Variants in DIAPH3 observed in about 807,000 individuals in gnomAD.
The protein encoded by DIAPH3 is diaphanous related formin 3.
Under a neutral mutation model 144.3 loss-of-function variants are expected in DIAPH3, and 117 were observed. The ratio of observed to expected loss-of-function variants is 0.81; its 90% CI spans 0.70 to 0.95. DIAPH3 has a LOEUF of 0.95. Ranked by LOEUF, DIAPH3 falls within the 40% of genes least tolerant of loss-of-function variation. DIAPH3 has a pLI of 0.00. For synonymous variants in DIAPH3, 519 were observed against 488.9 expected (o/e 1.06, Z -0.81); for missense variants, 1,421 against 1,412.7 (o/e 1.01, Z -0.09).
intron 25 of DIAPH3, among the ~76,000 whole-genome samples, chr13:59,804,547 AT>A (rs1481580570): frequency 6.6e-6 from 1 of 152,166 alleles, no homozygotes; most frequent in East Asian, 1.9e-4. Context: ...AGGCTGGCAA[AT>A]AATATGTGAT....
intron 25 of DIAPH3, among the ~76,000 whole-genome samples, chr13:59,805,815 T>C (rs2040164058): frequency 6.6e-6 from 1 of 152,002 alleles, no homozygotes; most frequent in South Asian, 2.1e-4. Context: ...TTGGAGAAAT[T>C]TAGTCCACTA....
intron 27 of DIAPH3, among the ~76,000 whole-genome samples, chr13:59,736,658 T>C (rs2487145): frequency 0.66 from 99,717 of 151,946 alleles, 33,175 homozygotes; most frequent in East Asian, 0.72. Context: ...GAAACAAAAA[T>C]TTAAAATTCA....
intron 2 of DIAPH3, among the ~76,000 whole-genome samples, chr13:60,115,433 T>C (rs1330944665): frequency 6.6e-6 from 1 of 152,150 alleles, no homozygotes; most frequent in African/African-American, 2.4e-5. Context: ...ACTGCTCAAG[T>C]GGAGATGATT....
At chr13:59,930,120 T>C (rs935077882) in intron 17 of DIAPH3, among the ~76,000 whole-genome samples, 1 of 152,178 alleles carries the variant, frequency 6.6e-6, no homozygotes, top group Non-Finnish European at 1.5e-5. Context: ...TTTGTACTCC[T>C]AGGTATTGTG....
intron 23 of DIAPH3, among the ~76,000 whole-genome samples, chr13:59,835,594 C>G (rs1424275366): frequency 6.6e-6 from 1 of 151,556 alleles, no homozygotes; most frequent in Non-Finnish European, 1.5e-5. Flanking sequence ...TTTTAAAAGT[C>G]TGCTAAGAAG....
intron 27 of DIAPH3, among the ~76,000 whole-genome samples, chr13:59,763,526 A>C (rs1246957250): frequency 6.6e-6 from 1 of 152,128 alleles, no homozygotes. Flanking sequence ...AAAATAAAAA[A>C]TAAAAAAATT....
intron 17 of DIAPH3, among the ~76,000 whole-genome samples, chr13:59,946,543 T>C (rs540413743): frequency 6.6e-6 from 1 of 152,150 alleles, no homozygotes; most frequent in Non-Finnish European, 1.5e-5. Context: ...AAAGAGTATA[T>C]AGACAGCTAA....
rs553149013 is a variant in DIAPH3 at position 60,106,299 on chromosome 13, A to G, written c.390+5711T>C. ...ACCCACATGTGCACAAACTTGATCTATAACATTAGAGATATTACAAATCAT... is the reference window on the plus strand; with the variant it reads ...ACCCACATGTGCACAAACTTGATCTGTAACATTAGAGATATTACAAATCAT... On this transcript the variant is annotated intron_variant, in intron 3 of 27. Transcript: ENST00000400324. Among the ~76,000 whole-genome samples, 22 of 152,318 alleles carry G rather than the reference A, an allele frequency of 1.4e-4. No individual in the cohort carries two copies. In the South Asian group the frequency reaches 2.3e-3, roughly 16 times the overall value.
chr13:59,671,380 TC>T (rs1256969376), intron 27 of DIAPH3, among the ~76,000 whole-genome samples: 3 of 152,190 alleles, frequency 2.0e-5, no homozygotes, highest in African/African-American at 7.2e-5. Context: ...ATTTCTCAAC[TC>T]AACTCTTCAC....
chr13:59,883,034 T>G (rs1214216684), intron 20 of DIAPH3, among the ~76,000 whole-genome samples: 1 of 152,154 alleles, frequency 6.6e-6, no homozygotes, highest in East Asian at 1.9e-4. Flanking sequence ...ATTTTGTTTG[T>G]TGGCAATATA....
intron 2 of DIAPH3, among the ~76,000 whole-genome samples, chr13:60,127,475 T>A (rs751401732): frequency 6.6e-6 from 1 of 152,014 alleles, no homozygotes; most frequent in Non-Finnish European, 1.5e-5. Flanking sequence ...ACACACTTAC[T>A]ATATGACTCC....
At chr13:59,795,455 CTTT>C (rs1233674128) in intron 25 of DIAPH3, among the ~76,000 whole-genome samples, 7 of 136,846 alleles carry the variant, frequency 5.1e-5, no homozygotes, top group Non-Finnish European at 3.2e-5. Context: ...TTCTCTCTCT[CTTT>C]TTTTTTTTTT....
Position 59,756,448 on chromosome 13 carries a change from G to GGAAGGAAGGAAGGAAGGAAGGAAGGAAA in DIAPH3, c.3319+17740_3319+17741insTTTCCTTCCTTCCTTCCTTCCTTCCTTC, listed in dbSNP as rs1555289852. Among the ~76,000 whole-genome samples, 366 of 126,140 alleles carry GGAAGGAAGGAAGGAAGGAAGGAAGGAAA rather than the reference G, an allele frequency of 2.9e-3. 1 individual carries two copies. Among genetic ancestry groups the GGAAGGAAGGAAGGAAGGAAGGAAGGAAA allele is most frequent in the African/African-American group, 4.4e-3 (136 of 31,050 alleles). 82.8% of individuals were successfully genotyped at this position (126,140 alleles called of 152,430 possible). On this transcript the variant is annotated intron_variant, in intron 27 of 27. Coordinates refer to ENST00000400324, the MANE Select transcript of DIAPH3 (RefSeq NM_001042517.2). The stretch of plus-strand genomic sequence containing the variant: ...AGGAAGGAAGGAAGGAAGGAAAGAA[G>GGAAGGAAGGAAGGAAGGAAGGAAGGAAA]GAAGGAAGGAAGGAAGGAAAGAAGG...
intron 25 of DIAPH3, among the ~76,000 whole-genome samples, chr13:59,776,949 C>A (rs73208933): frequency 0.14 from 19,958 of 146,846 alleles, 1,540 homozygotes; most frequent in African/African-American, 0.21. Context: ...AACAAACAAA[C>A]AAAAAAACCC....
At chr13:60,116,222 A>C (rs2058699388) in intron 2 of DIAPH3, among the ~76,000 whole-genome samples, 1 of 152,094 alleles carries the variant, frequency 6.6e-6, no homozygotes, top group Non-Finnish European at 1.5e-5. Context: ...TGGAAGAGAC[A>C]AGCACATAGG....
At chr13:59,896,114 C>T (rs1461332860) in intron 20 of DIAPH3, among the ~76,000 whole-genome samples, 5 of 152,058 alleles carry the variant, frequency 3.3e-5, no homozygotes, top group African/African-American at 7.2e-5. Flanking sequence ...TTTAGAAATC[C>T]GCAGTTTCAA....
At chr13:59,694,945 T>C (rs2033721139) in intron 27 of DIAPH3, among the ~76,000 whole-genome samples, 1 of 152,206 alleles carries the variant, frequency 6.6e-6, no homozygotes, top group Non-Finnish European at 1.5e-5. Flanking sequence ...AATAATTTTT[T>C]AGACTTGTTA....
At chr13:60,138,785 GGGGAAGA>G (rs57143670) in intron 1 of DIAPH3, among the ~76,000 whole-genome samples, 2,472 of 75,860 alleles carry the variant, frequency 0.033, 116 homozygotes, top group African/African-American at 0.11. Context: ...AGGAGAAGAA[GGGGAAGA>G]GGGAAGAGGG....
chr13:59,998,508 C>T (rs1024883071), intron 9 of DIAPH3, among the ~76,000 whole-genome samples: 2 of 152,014 alleles, frequency 1.3e-5, no homozygotes, highest in Non-Finnish European at 2.9e-5. Flanking sequence ...TTTTAGTTAC[C>T]TTCAAGACAT....
Sources: gnomAD v4.1 joint callset for allele counts (sites outside exome capture counted in the v4.1 genomes callset) on GRCh38, gnomAD v4.1.1 for gene constraint, MANE v1.5 for transcripts, NCBI Gene and HGNC (gene_info 2026-07-23, HGNC 2026-07-21) for gene names.